Variants in DSCAM observed in about 807,000 individuals in gnomAD.
DSCAM encodes cell adhesion molecule DSCAM.
In DSCAM, 47 loss-of-function variants were observed where a neutral mutation model predicts 217.7. The ratio of observed to expected loss-of-function variants is 0.22; its 90% CI spans 0.17 to 0.28. The LOEUF (loss-of-function observed/expected upper bound fraction) is 0.28, where lower values mean the gene tolerates loss of function less well. DSCAM is among the 10% of genes least tolerant of loss of function. The probability of loss-of-function intolerance (pLI) is 1.00; values close to 1 mark genes in which losing one functional copy is unlikely to be tolerated. For missense variants in DSCAM, 2,080 were observed against 2,618.3 expected (o/e 0.79, Z 4.49); for synonymous variants, 1,056 against 1,015.3 (o/e 1.04, Z -0.76).
chr21:40,652,376 T>C (rs2090026381), intron 3 of DSCAM, among the ~76,000 whole-genome samples: 1 of 151,222 alleles, frequency 6.6e-6, no homozygotes, highest in African/African-American at 2.4e-5. Flanking sequence ...CTTCTAGCTA[T>C]AAGAATCCTG....
At chr21:40,047,270 T>A (rs1294700892) in intron 30 of DSCAM, among the ~76,000 whole-genome samples, 1 of 152,202 alleles carries the variant, frequency 6.6e-6, no homozygotes, top group Non-Finnish European at 1.5e-5. Context: ...AGATAGCAGC[T>A]AAAATATAAT....
chr21:40,178,395 C>T (rs572432736), intron 15 of DSCAM, among the ~76,000 whole-genome samples: 1 of 152,166 alleles, frequency 6.6e-6, no homozygotes, highest in Non-Finnish European at 1.5e-5. Context: ...GAATTTGCAA[C>T]ACTAAATATA....
chr21:40,470,935 G>A (rs770934901), intron 3 of DSCAM, among the ~76,000 whole-genome samples: 1 of 152,150 alleles, frequency 6.6e-6, no homozygotes, highest in Non-Finnish European at 1.5e-5. Context: ...ACATGTAGAA[G>A]ACAAATTACA....
chr21:40,339,495 G>C lies in DSCAM; in HGVS notation c.1211-80C>G, dbSNP rs1014102907. On this transcript the variant is annotated intron_variant, in intron 6 of 32. Transcript: ENST00000400454. The stretch of plus-strand genomic sequence containing the variant: ...TCCAAGTATATGTCTTTCATGTCTA[G>C]GGGGTAAATGTCGTAGTTGTTAAAC... 6 of 1,346,746 alleles carry C rather than the reference G, an allele frequency of 4.5e-6. No individual in the cohort carries two copies. In the South Asian group the frequency reaches 8.8e-5, roughly 20 times the overall value. 83.4% of individuals were successfully genotyped at this position (1,346,746 alleles called of 1,614,324 possible). A position where few individuals can be genotyped will look rare whatever the true frequency, so the allele number is the denominator to read the frequency against.
At position 40,312,140 on chromosome 21, in the gene DSCAM, G is replaced by A; in HGVS notation, c.2003C>T (p.Thr668Ile). ...GGCGGCCTCATTCCGGGCTATGCAGGTGTAATTCCCATTGTGCATGAGCGA... is the reference window on the plus strand; with the variant it reads ...GGCGGCCTCATTCCGGGCTATGCAGATGTAATTCCCATTGTGCATGAGCGA... ...NLSLMHNGNY[T>I]CIARNEAAAV... The change falls in exon 9 of 33, where the codon ACC (threonine) becomes ATC (isoleucine). Residue 668 changes from threonine to isoleucine, a missense_variant. Transcript: ENST00000400454. The A allele has an allele frequency of 6.2e-7, 1 of 1,614,012 alleles. No individual in the cohort carries two copies. The highest frequency in any genetic ancestry group is 8.5e-7 in the Non-Finnish European group (1 of 1,179,980).
rs563197038 is a variant in DSCAM at position 40,045,614 on chromosome 21, A to T, written c.5186-1339T>A. Among the ~76,000 whole-genome samples the T allele has an allele frequency of 3.3e-5, 5 of 152,238 alleles. No individual in the cohort carries two copies. In the East Asian group the frequency reaches 9.7e-4, roughly 29 times the overall value. On this transcript the variant is annotated intron_variant, in intron 30 of 32. Transcript: ENST00000400454. ...GAGAGAGGTTCAGTTACCTGGAATG[A>T]TTTTTCTGGGGCTCCAGCCTGGAGA...
chr21:40,764,343 G>GA (rs2091366313), intron 1 of DSCAM, among the ~76,000 whole-genome samples: 1 of 143,418 alleles, frequency 7.0e-6, no homozygotes, highest in Admixed American at 7.0e-5. Flanking sequence ...AAAAAAAAAT[G>GA]AAAAAAAGCT....
At chr21:40,066,035 T>C (rs1409160612) in intron 27 of DSCAM, among the ~76,000 whole-genome samples, 1 of 152,174 alleles carries the variant, frequency 6.6e-6, no homozygotes, top group Non-Finnish European at 1.5e-5. Flanking sequence ...CCCTCCATCG[T>C]CCCCACCGCC....
At chr21:40,026,991 G>C (rs1431457045) in intron 32 of DSCAM, among the ~76,000 whole-genome samples, 1 of 152,312 alleles carries the variant, frequency 6.6e-6, no homozygotes, top group African/African-American at 2.4e-5. Flanking sequence ...CTACATTTTG[G>C]CATGATTTTG....
intron 1 of DSCAM, among the ~76,000 whole-genome samples, chr21:40,761,688 G>GT (rs2091337080): frequency 6.6e-6 from 1 of 152,270 alleles, no homozygotes; most frequent in South Asian, 2.1e-4. Flanking sequence ...AGAGAGAAAC[G>GT]ATCCCAATTA....
Position 40,445,904 on chromosome 21 carries a change from C to T in DSCAM, c.509-76659G>A, listed in dbSNP as rs559260475. Among the ~76,000 whole-genome samples the T allele has an allele frequency of 4.6e-5, 7 of 152,268 alleles. No individual in the cohort carries two copies. The East Asian group carries it at 1.4e-3, about 29-fold the overall frequency. ...GCAAATAATAAGACTCTATTACCTT[C>T]AATGCAAGGATCTTCAATTAGTCTA... On this transcript the variant is annotated intron_variant, in intron 3 of 32. Coordinates refer to ENST00000400454, the MANE Select transcript of DSCAM (RefSeq NM_001389.5).
chr21:40,339,770 C>T (rs188751592), intron 6 of DSCAM, among the ~76,000 whole-genome samples: 32 of 152,344 alleles, frequency 2.1e-4, no homozygotes, highest in Non-Finnish European at 4.1e-4. Flanking sequence ...AATCCACACC[C>T]GCTCACTCCC....
intron 3 of DSCAM, among the ~76,000 whole-genome samples, chr21:40,516,967 TA>T (rs1372272578): frequency 1.4e-5 from 2 of 147,800 alleles, no homozygotes; most frequent in African/African-American, 4.9e-5. Context: ...TCTCTGTAAA[TA>T]TACATATATT....
chr21:40,568,495 A>T (rs2076782013), intron 3 of DSCAM, among the ~76,000 whole-genome samples: 1 of 152,166 alleles, frequency 6.6e-6, no homozygotes, highest in South Asian at 2.1e-4. Context: ...TCCAGGCTGT[A>T]CATTCAAGGA....
intron 1 of DSCAM, among the ~76,000 whole-genome samples, chr21:40,783,292 T>C (rs939180459): frequency 6.6e-6 from 1 of 152,202 alleles, no homozygotes; most frequent in Non-Finnish European, 1.5e-5. Context: ...CTCTTCAGTG[T>C]TGACCAGCAC....
intron 3 of DSCAM, among the ~76,000 whole-genome samples, chr21:40,517,239 C>T (rs2076308527): frequency 6.7e-6 from 1 of 148,992 alleles, no homozygotes; most frequent in African/African-American, 2.5e-5. Context: ...CACACACACA[C>T]CTTATGTGTG....
intron 1 of DSCAM, among the ~76,000 whole-genome samples, chr21:40,794,514 T>C (rs2091673677): frequency 6.9e-6 from 1 of 145,446 alleles, no homozygotes; most frequent in Non-Finnish European, 1.5e-5. Flanking sequence ...GTGTTATGAG[T>C]AAAGCACGCC....
At chr21:40,553,212 C>CA (rs979773149) in intron 3 of DSCAM, among the ~76,000 whole-genome samples, 8 of 152,214 alleles carry the variant, frequency 5.3e-5, no homozygotes, top group African/African-American at 1.9e-4. Flanking sequence ...TAGAACTCCA[C>CA]AAAATGTTTT....
chr21:40,026,098 C>T (rs1199531855), intron 32 of DSCAM, among the ~76,000 whole-genome samples: 9 of 142,064 alleles, frequency 6.3e-5, no homozygotes, highest in South Asian at 5.2e-4. Flanking sequence ...TTTCAAAGAA[C>T]ATCTTTATTT....
Sources: allele counts gnomAD v4.1 joint callset (sites outside exome capture counted in the v4.1 genomes callset), GRCh38; gene constraint gnomAD v4.1.1; transcripts MANE v1.5; gene names NCBI Gene and HGNC (gene_info 2026-07-23, HGNC 2026-07-21).